Variants in LMF1 observed in about 807,000 individuals in gnomAD.
LMF1 encodes transmembrane protein 112.
In LMF1, 68 loss-of-function variants were observed where a neutral mutation model predicts 60.6. That is an observed-to-expected ratio of 1.12 (90% CI 0.92 to 1.37). The LOEUF (loss-of-function observed/expected upper bound fraction) is 1.37, where lower values mean the gene tolerates loss of function less well. Among genes scored for constraint, LMF1 ranks in the 40% most tolerant of loss-of-function variants. The pLI is 0.00. For missense variants in LMF1, 948 were observed against 767.2 expected, an observed-to-expected ratio of 1.24 and a Z score of -2.78; for synonymous variants, 418 against 324.7, an observed-to-expected ratio of 1.29 and a Z score of -3.09.
At chr16:896,567 G>A (rs1056051416) in intron 4 of LMF1, among the ~76,000 whole-genome samples, 8 of 152,182 alleles carry the variant, frequency 5.3e-5, no homozygotes, top group Admixed American at 3.9e-4. Flanking sequence ...CATGAAAACA[G>A]CCGAGGGTGT....
At chr16:945,917 C>T (rs2072226954) in intron 2 of LMF1, among the ~76,000 whole-genome samples, 1 of 152,210 alleles carries the variant, frequency 6.6e-6, no homozygotes, top group Non-Finnish European at 1.5e-5. Flanking sequence ...AGCCTCAGTA[C>T]AAGGTGCAAA....
At chr16:931,256 C>T (rs1211931921) in intron 3 of LMF1, among the ~76,000 whole-genome samples, 2 of 152,250 alleles carry the variant, frequency 1.3e-5, no homozygotes, top group Non-Finnish European at 2.9e-5. Flanking sequence ...TTTAGAAACA[C>T]ATGTGCCCAG....
upstream of LMF1, among the ~76,000 whole-genome samples, chr16:973,881 G>T (rs1431369375): frequency 6.6e-6 from 1 of 151,980 alleles, no homozygotes; most frequent in African/African-American, 2.4e-5. Context: ...ATGGTGGCGG[G>T]CGCCTGTAGT....
At chr16:891,240 C>A (rs1461683027) in intron 5 of LMF1, among the ~76,000 whole-genome samples, 1 of 152,214 alleles carries the variant, frequency 6.6e-6, no homozygotes, top group Admixed American at 6.5e-5. Context: ...ACCCGTCCCC[C>A]AGAAACACCA....
rs549008037 is a variant in LMF1 at position 954,450 on chromosome 16, G to T, written c.410C>A (p.Ser137Ter). The part of the protein sequence containing the change: ...DLLALLGLGI[S>*]SFVLITGCAN... ...GCAGCCCGTGATCAGTACGAAAGAC[G>T]AGATGCCCAGTCCGAGAAGAGCCAG... Residue 137 changes from serine (S) to a stop codon, truncating the protein, a stop_gained, in exon 2 of 11, where the codon TCG becomes TAG. Transcript: ENST00000262301. LOFTEE classifies it high-confidence loss of function. The T allele has an allele frequency of 3.1e-6, 5 of 1,612,908 alleles. No homozygotes were observed. The highest frequency in any genetic ancestry group is 4.2e-6 in the Non-Finnish European group (5 of 1,179,592).
chr16:882,500 A>T (rs1018066000), intron 5 of LMF1, among the ~76,000 whole-genome samples: 3 of 152,262 alleles, frequency 2.0e-5, no homozygotes, highest in African/African-American at 7.2e-5. Flanking sequence ...ACTAGGTTCC[A>T]GTACAAGTGA....
chr16:910,465 C>G (rs2071079468), intron 4 of LMF1, among the ~76,000 whole-genome samples: 1 of 152,238 alleles, frequency 6.6e-6, no homozygotes. Context: ...GGAGGCCGCG[C>G]TTTCCCTGAG....
chr16:879,542 C>T lies in LMF1; in HGVS notation c.897+28G>A, dbSNP rs184361133. The T allele has an allele frequency of 7.7e-3, 12,435 of 1,607,768 alleles. 78 individuals are homozygous for T. Among genetic ancestry groups the T allele is most frequent in the Non-Finnish European group, 9.8e-3 (11,581 of 1,176,852 alleles). ...CGACGGGCCAGCGTCTCTGTGGACA[C>T]GGGGCAGGGCGGGCGGCGCGGGCTC... On this transcript the variant is annotated intron_variant, in intron 6 of 10. Coordinates refer to ENST00000262301, the MANE Select transcript of LMF1 (RefSeq NM_022773.4).
At chr16:927,195 G>C (rs575595742) in intron 3 of LMF1, among the ~76,000 whole-genome samples, 4 of 152,212 alleles carry the variant, frequency 2.6e-5, no homozygotes, top group African/African-American at 9.6e-5. Context: ...GAAATGGCCC[G>C]TGGAGATGGC....
rs751339785 is a variant in LMF1 at position 934,048 on chromosome 16, G to T, written c.514+196C>A. 2.0e-6 allele frequency: 3 copies of T among 1,512,050 alleles called. No homozygotes were observed. In the South Asian group the frequency reaches 3.6e-5, roughly 18 times the overall value. The allele number at this position is 1,512,050 out of a possible 1,614,324, so 93.7% of individuals were successfully genotyped here. On this transcript the variant is annotated intron_variant, in intron 3 of 10. Transcript: ENST00000262301. ...TCCGTCTCTAGGTGCCCGGGGCCTG[G>T]AAGCCCAGGAGCTCCCACATCCAGG...
intron 1 of LMF1, among the ~76,000 whole-genome samples, chr16:969,487 G>A (rs886901510): frequency 6.6e-6 from 1 of 152,124 alleles, no homozygotes; most frequent in South Asian, 2.1e-4. Flanking sequence ...ACAAAACGTC[G>A]AACTGAGCAT....
intron 1 of LMF1, among the ~76,000 whole-genome samples, chr16:969,532 G>A (rs1043155573): frequency 9.8e-5 from 15 of 152,306 alleles, no homozygotes; most frequent in Middle Eastern, 6.8e-3. Flanking sequence ...AACTTCCCGC[G>A]ACGTGTGTGG....
intron 4 of LMF1, among the ~76,000 whole-genome samples, chr16:896,924 AT>A (rs919999165): frequency 1.3e-5 from 2 of 151,160 alleles, no homozygotes; most frequent in African/African-American, 2.4e-5. Flanking sequence ...TTTTCCACGG[AT>A]TTTTTTTTCT....
chr16:871,623 G>T, intron 6 of LMF1: 1 of 433,606 alleles, frequency 2.3e-6, no homozygotes, highest in Admixed American at 3.8e-5. Context: ...TCCGCAAGGC[G>T]GGGGCTGGAC....
At chr16:922,965 T>C (rs2071482780) in intron 3 of LMF1, among the ~76,000 whole-genome samples, 7 of 109,120 alleles carry the variant, frequency 6.4e-5, no homozygotes, top group Admixed American at 5.6e-4. Flanking sequence ...GCGAAGGCCC[T>C]GTGTGAAGGT....
intron 7 of LMF1, 113 bp from the exon 8 acceptor site, chr16:870,995 G>A (rs562327135): frequency 1.3e-4 from 188 of 1,431,508 alleles, no homozygotes; most frequent in Admixed American, 9.8e-4. Flanking sequence ...TCCCGGGGAC[G>A]GAGCAGCACC....
At chr16:895,007 C>T (rs1396102251) in intron 4 of LMF1, among the ~76,000 whole-genome samples, 2 of 152,110 alleles carry the variant, frequency 1.3e-5, no homozygotes, top group African/African-American at 2.4e-5. Context: ...AGGGTGAGGG[C>T]GCCCCCCTCA....
Position 874,269 on chromosome 16 carries a change from T to C in LMF1, c.898-2928A>G, listed in dbSNP as rs951218815. Among the ~76,000 whole-genome samples the C allele has an allele frequency of 6.9e-6, 1 of 144,234 alleles. No homozygotes were observed. The highest frequency in any genetic ancestry group is 2.5e-5 in the African/African-American group (1 of 39,914). The allele number at this position is 144,234 out of a possible 152,430, so 94.6% of individuals were successfully genotyped here. ...AGCCTCAGGACAGCCGGCCTGTGTG[T>C]GCGGGGCTGGCAGGGCCTCCGGGCC... is the stretch of plus-strand genomic sequence containing the variant. On this transcript the variant is annotated intron_variant, in intron 6 of 10. Coordinates refer to ENST00000262301, the MANE Select transcript of LMF1 (RefSeq NM_022773.4). The surrounding 1 kb of genome is among the most constrained non-coding windows in gnomAD (Gnocchi z 4.1).
At chr16:919,912 T>A (rs2071387974) in intron 3 of LMF1, among the ~76,000 whole-genome samples, 1 of 152,120 alleles carries the variant, frequency 6.6e-6, no homozygotes. Flanking sequence ...GTCAGGCTCC[T>A]GCCCCCGGCA....
Sources: allele counts gnomAD v4.1 joint callset (sites outside exome capture counted in the v4.1 genomes callset), GRCh38; gene constraint gnomAD v4.1.1; non-coding constraint Gnocchi (gnomAD v3.1); transcripts MANE v1.5; gene names NCBI Gene and HGNC (gene_info 2026-07-23, HGNC 2026-07-21).